The following CADM2 variants were observed in gnomAD, a reference collection of about 807,000 sequenced individuals.
The protein encoded by CADM2 is immunoglobulin superfamily member 4D.
In CADM2, 12 loss-of-function variants were observed where a neutral mutation model predicts 49.8. The ratio of observed to expected loss-of-function variants is 0.24; its 90% CI spans 0.15 to 0.39. The LOEUF (loss-of-function observed/expected upper bound fraction) is 0.39. Among genes scored for constraint, CADM2 ranks in the 10% least tolerant of loss-of-function variants. The probability of loss-of-function intolerance (pLI) is 1.00; values close to 1 mark genes in which losing one functional copy is unlikely to be tolerated. For synonymous variants in CADM2, 214 were observed against 175.4 expected (o/e 1.22, Z -1.74); for missense variants, 378 against 492.3 (o/e 0.77, Z 2.20).
intron 1 of CADM2, among the ~76,000 whole-genome samples, chr3:85,297,891 A>C (rs947818568): frequency 3.9e-5 from 6 of 152,104 alleles, no homozygotes; most frequent in Non-Finnish European, 7.4e-5. Flanking sequence ...GAGCCTAACA[A>C]ACCACTAGAC....
At chr3:85,890,293 AAG>A (rs891407419) in intron 5 of CADM2, among the ~76,000 whole-genome samples, 18 of 149,930 alleles carry the variant, frequency 1.2e-4, no homozygotes, top group African/African-American at 4.0e-4. Flanking sequence ...TTACATGAGA[AAG>A]AGAGAGTAGG....
intron 1 of CADM2, among the ~76,000 whole-genome samples, chr3:85,152,062 A>T (rs1270863286): frequency 6.6e-6 from 1 of 152,088 alleles, no homozygotes; most frequent in African/African-American, 2.4e-5. Flanking sequence ...TATATCACGA[A>T]CTTCAAGTGA....
intron 6 of CADM2, among the ~76,000 whole-genome samples, chr3:85,918,428 T>G (rs545235309): frequency 6.6e-6 from 1 of 152,316 alleles, no homozygotes; most frequent in East Asian, 1.9e-4. Flanking sequence ...GTTTTTGTCT[T>G]TGGTTCTGTT....
chr3:85,448,399 T>G (rs1331340382), intron 1 of CADM2, among the ~76,000 whole-genome samples: 1 of 152,220 alleles, frequency 6.6e-6, no homozygotes, highest in East Asian at 1.9e-4. Flanking sequence ...ATAGTTGATA[T>G]TTTTATGACT....
rs561911863 is a variant in CADM2, at chr3:85,330,810, A to T, written c.61+371142A>T. Reference sequence around the variant, plus strand: ...CATCTCTCCAAAAAAAAAAAAAAAAAATAGCTCGGCACGGTGGTGTGTGTG... The same window carrying T: ...CATCTCTCCAAAAAAAAAAAAAAAATATAGCTCGGCACGGTGGTGTGTGTG... On this transcript the variant is annotated intron_variant, in intron 1 of 9. Transcript: ENST00000383699. Among the ~76,000 whole-genome samples, 128 of 145,254 alleles carry T rather than the reference A, an allele frequency of 8.8e-4. 1 individual carries two copies. The highest frequency in any genetic ancestry group is 3.3e-3 in the African/African-American group (122 of 36,982).
intron 1 of CADM2, among the ~76,000 whole-genome samples, chr3:85,245,835 C>T (rs1175741312): frequency 6.6e-6 from 1 of 152,118 alleles, no homozygotes; most frequent in African/African-American, 2.4e-5. Context: ...TTTGGCCTCC[C>T]AGGAGTCACA....
At position 85,180,780 on chromosome 3, in the gene CADM2, C is replaced by T. The variant is rs74707042; in HGVS notation, c.61+221112C>T. ...AAGTAAAGAATGAGAATATAATTTA[C>T]ATTTCTGGAATATAAAGCTATGTTT... On this transcript the variant is annotated intron_variant, in intron 1 of 9. Coordinates refer to ENST00000383699, the MANE Select transcript of CADM2 (RefSeq NM_001167675.2). Among the ~76,000 whole-genome samples, 1,178 of 152,170 alleles carry T rather than the reference C, an allele frequency of 7.7e-3. 12 individuals are homozygous for T. The highest frequency in any genetic ancestry group is 0.027 in the African/African-American group (1,120 of 41,532).
rs141105558 is a variant in CADM2 at position 85,776,336 on chromosome 3, TACAC to T, written c.89-25685_89-25682del. Among the ~76,000 whole-genome samples, 499 of 146,242 alleles carry T rather than the reference TACAC, an allele frequency of 3.4e-3. 2 individuals carry two copies. The highest frequency in any genetic ancestry group is 9.8e-3 in the African/African-American group (394 of 40,050). On this transcript the variant is annotated intron_variant, in intron 2 of 9. Coordinates refer to ENST00000383699, the MANE Select transcript of CADM2 (RefSeq NM_001167675.2). ...GGAAAATATGACACACAAACTCTCT[TACAC>T]ACACACACACACACACACACACACA...
intron 1 of CADM2, among the ~76,000 whole-genome samples, chr3:85,314,338 C>T (rs1238628587): frequency 6.6e-6 from 1 of 151,352 alleles, no homozygotes; most frequent in Non-Finnish European, 1.5e-5. Flanking sequence ...ATTAAAAAAC[C>T]ACACTGTTGC....
Position 85,704,098 on chromosome 3 carries a change from C to A in CADM2, c.62-22424C>A, listed in dbSNP as rs370453977. 8.5e-5 allele frequency among the ~76,000 whole-genome samples: 13 copies of A among 152,252 alleles called. No homozygotes were observed. In the South Asian group the frequency reaches 2.7e-3, roughly 32 times the overall value. On this transcript the variant is annotated intron_variant, in intron 1 of 9. Transcript: ENST00000383699. The stretch of plus-strand genomic sequence containing the variant: ...GCACCTTAGATGACTCAATACTGTT[C>A]TTTTCATGGTCTGTTTCTTCAGAGT...
At chr3:85,185,060 A>T (rs1193754709) in intron 1 of CADM2, among the ~76,000 whole-genome samples, 1 of 152,134 alleles carries the variant, frequency 6.6e-6, no homozygotes, top group Non-Finnish European at 1.5e-5. Context: ...GCTCCAAGAT[A>T]GATGACAGAT....
chr3:85,585,104 T>A (rs1194221182), intron 1 of CADM2, among the ~76,000 whole-genome samples: 2 of 152,002 alleles, frequency 1.3e-5, no homozygotes, highest in Non-Finnish European at 2.9e-5. Context: ...CGTAATGGAA[T>A]CTCATGCAGT....
At chr3:85,598,456 TTAA>T (rs1228847645) in intron 1 of CADM2, among the ~76,000 whole-genome samples, 1 of 152,006 alleles carries the variant, frequency 6.6e-6, no homozygotes, top group African/African-American at 2.4e-5. Context: ...TTTGTGTAAA[TTAA>T]TAGTGTCATC....
Position 85,606,203 on chromosome 3 carries a change from C to T in CADM2, c.62-120319C>T, listed in dbSNP as rs148648332. ...TAAAAGGAAATTGTGGAGCTGTTAA[C>T]TCAATGAGTGTCTTAAAGCTAGTGA... On this transcript the variant is annotated intron_variant, in intron 1 of 9. Coordinates refer to ENST00000383699, the MANE Select transcript of CADM2 (RefSeq NM_001167675.2). Among the ~76,000 whole-genome samples the T allele has an allele frequency of 4.9e-3, 747 of 152,174 alleles. 19 individuals are homozygous for T. Among genetic ancestry groups the T allele is most frequent in the Non-Finnish European group, 2.0e-3 (133 of 67,984 alleles).
chr3:85,312,416 T>G (rs920696742), intron 1 of CADM2, among the ~76,000 whole-genome samples: 1 of 152,138 alleles, frequency 6.6e-6, no homozygotes, highest in Admixed American at 6.6e-5. Flanking sequence ...GTAAATTGAC[T>G]AGACATTGAA....
At chr3:85,740,408 T>G (rs920493793) in intron 2 of CADM2, among the ~76,000 whole-genome samples, 1 of 152,178 alleles carries the variant, frequency 6.6e-6, no homozygotes. Context: ...TAATTTTCAA[T>G]ACTAATTCCA....
At chr3:85,006,546 T>C (rs150112944) in intron 1 of CADM2, among the ~76,000 whole-genome samples, 1 of 152,336 alleles carries the variant, frequency 6.6e-6, no homozygotes, top group African/African-American at 2.4e-5. Flanking sequence ...GCAATTCTTA[T>C]ACCTAGGTCT....
At chr3:85,047,012 T>A (rs541655091) in intron 1 of CADM2, among the ~76,000 whole-genome samples, 1 of 152,272 alleles carries the variant, frequency 6.6e-6, no homozygotes, top group East Asian at 1.9e-4. Flanking sequence ...GTTCTGCAGA[T>A]GTATTTTTAT....
intron 1 of CADM2, among the ~76,000 whole-genome samples, chr3:85,555,661 A>G (rs1576793887): frequency 6.6e-6 from 1 of 152,118 alleles, no homozygotes; most frequent in Non-Finnish European, 1.5e-5. Flanking sequence ...AGTAAATTAT[A>G]TGAGACATAA....
Sources: allele counts gnomAD v4.1 joint callset (sites outside exome capture counted in the v4.1 genomes callset), GRCh38; gene constraint gnomAD v4.1.1; transcripts MANE v1.5; gene names NCBI Gene and HGNC (gene_info 2026-07-23, HGNC 2026-07-21).